GRIK2: variants seen among roughly 807,000 people sequenced by gnomAD.
GRIK2 encodes glutamate ionotropic receptor kainate type subunit 2, also known as glutamate receptor ionotropic, kainate 2.
Under a neutral mutation model 100.3 loss-of-function variants are expected in GRIK2, and 32 were observed. The observed-to-expected ratio is 0.32, with a 90% CI of 0.24 to 0.43. The LOEUF (loss-of-function observed/expected upper bound fraction) is 0.43, where lower values mean the gene tolerates loss of function less well. Among genes scored for constraint, GRIK2 ranks in the 20% least tolerant of loss-of-function variants. The probability of loss-of-function intolerance (pLI) is 1.00; values close to 1 mark genes in which losing one functional copy is unlikely to be tolerated. For synonymous variants in GRIK2, 417 were observed against 389.4 expected (o/e 1.07, Z -0.83); for missense variants, 843 against 1,114.9 (o/e 0.76, Z 3.47).
chr6:102,050,662 A>AT, intron 15 of GRIK2, among the ~76,000 whole-genome samples: 1 of 151,622 alleles, frequency 6.6e-6, no homozygotes, highest in East Asian at 1.9e-4. Context: ...AAAAAAAAAA[A>AT]AAAAACGGAA....
intron 7 of GRIK2, among the ~76,000 whole-genome samples, chr6:101,793,163 G>A (rs1780014912): frequency 6.6e-6 from 1 of 152,058 alleles, no homozygotes. Flanking sequence ...ATTTCCTCCT[G>A]TAGCTCGGAG....
At chr6:101,994,408 C>A (rs1456031561) in intron 14 of GRIK2, among the ~76,000 whole-genome samples, 2 of 151,626 alleles carry the variant, frequency 1.3e-5, no homozygotes, top group East Asian at 3.9e-4. Context: ...GGTTTTCAAG[C>A]AATAATAGTG....
chr6:101,848,883 T>C (rs1783955664), intron 10 of GRIK2, among the ~76,000 whole-genome samples: 1 of 152,110 alleles, frequency 6.6e-6, no homozygotes, highest in Non-Finnish European at 1.5e-5. Context: ...AATTTATCTT[T>C]GCTGAAAATC....
intron 10 of GRIK2, among the ~76,000 whole-genome samples, chr6:101,831,448 C>G (rs12110747): frequency 6.6e-6 from 1 of 151,938 alleles, no homozygotes; most frequent in Non-Finnish European, 1.5e-5. Flanking sequence ...GACATGAACA[C>G]TAATTAGGGA....
In GRIK2 at chr6:101,889,686, A is replaced by G. The variant is rs1393744348; in HGVS notation, c.1571A>G (p.Glu524Gly). 1 of 1,609,914 alleles carries G rather than the reference A, an allele frequency of 6.2e-7. No homozygotes were observed. The highest frequency in any genetic ancestry group is 1.7e-5 in the Admixed American group (1 of 59,488). Residue 524 changes from glutamate to glycine, a missense_variant, in exon 12 of 17, where the codon GAG becomes GGG. Glu to Gly is a moderately conservative substitution (Grantham distance 98). Around this residue, in one of 3 missense-constraint regions of GRIK2, gnomAD observed 519 missense variants for 643.8 expected, o/e 0.81. Coordinates refer to ENST00000369134, the MANE Select transcript of GRIK2 (RefSeq NM_021956.5). ...CCACTGGCTATTACCTATGTTCGAG[A>G]GAAGGTCATCGACTTTTCCAAGCCC... ...VAPLAITYVR[E>G]KVIDFSKPFM...
At chr6:101,997,092 C>G (rs1257221655) in intron 14 of GRIK2, among the ~76,000 whole-genome samples, 2 of 151,794 alleles carry the variant, frequency 1.3e-5, no homozygotes, top group African/African-American at 2.4e-5. Flanking sequence ...TCTTTTTTCT[C>G]TGTAAAAAGT....
intron 16 of GRIK2, among the ~76,000 whole-genome samples, chr6:102,062,750 T>A (rs909373563): frequency 1.3e-5 from 2 of 150,588 alleles, no homozygotes; most frequent in Non-Finnish European, 3.0e-5. Context: ...CATTAACTGT[T>A]TGATGTTTTT....
chr6:101,630,836 A>G (rs1293854275), intron 4 of GRIK2, among the ~76,000 whole-genome samples: 1 of 151,330 alleles, frequency 6.6e-6, no homozygotes, highest in Non-Finnish European at 1.5e-5. Context: ...TTACTGCAAA[A>G]CACACATGTG....
intron 14 of GRIK2, among the ~76,000 whole-genome samples, chr6:101,994,148 A>C (rs996735006): frequency 5.3e-5 from 8 of 150,662 alleles, no homozygotes; most frequent in Admixed American, 4.7e-4. Context: ...AATGCCACCC[A>C]TTACTTCACT....
At chr6:101,488,274 T>C (rs2128265270) in intron 2 of GRIK2, among the ~76,000 whole-genome samples, 1 of 146,940 alleles carries the variant, frequency 6.8e-6, no homozygotes, top group Admixed American at 6.8e-5. Context: ...GTAGTAGAAG[T>C]ATAACTTCCA....
Position 101,787,373 on chromosome 6 carries a change from T to A in GRIK2, c.952-12275T>A, listed in dbSNP as rs367945968. Reference sequence around the variant, plus strand: ...TAGGTTTGATTTGTTCTTACTTTTCTAGTTCTTGAGGTGCATCATTAGGTT... The same window carrying A: ...TAGGTTTGATTTGTTCTTACTTTTCAAGTTCTTGAGGTGCATCATTAGGTT... On this transcript the variant is annotated intron_variant, in intron 7 of 16. Transcript: ENST00000369134. Among the ~76,000 whole-genome samples the A allele has an allele frequency of 9.9e-5, 15 of 152,138 alleles. No homozygotes were observed. In the East Asian group the frequency reaches 2.3e-3, roughly 24 times the overall value.
intron 2 of GRIK2, among the ~76,000 whole-genome samples, chr6:101,415,920 A>C (rs1776119809): frequency 6.6e-6 from 1 of 152,232 alleles, no homozygotes; most frequent in African/African-American, 2.4e-5. Context: ...TAAAATAGAT[A>C]AAATAGATAA....
In GRIK2 at chr6:101,423,971, T is replaced by C. The variant is rs866482240; in HGVS notation, c.115+24579T>C. ...AATTATATGGAATGTAAGGTAGCTG[T>C]GGGAGTGGTAAATGTCTACAGCCAG... On this transcript the variant is annotated intron_variant, in intron 2 of 16. Coordinates refer to ENST00000369134, the MANE Select transcript of GRIK2 (RefSeq NM_021956.5). Among the ~76,000 whole-genome samples the C allele has an allele frequency of 5.9e-5, 9 of 152,266 alleles. No individual in the cohort carries two copies. In the South Asian group the frequency reaches 1.2e-3, roughly 21 times the overall value.
At chr6:101,997,326 C>T (rs547344063) in intron 14 of GRIK2, among the ~76,000 whole-genome samples, 8 of 152,146 alleles carry the variant, frequency 5.3e-5, no homozygotes, top group East Asian at 1.9e-4. Context: ...ACTATCTTTA[C>T]GTAATGAACC....
At chr6:101,746,881 A>T (rs1413663652) in intron 7 of GRIK2, among the ~76,000 whole-genome samples, 1 of 152,006 alleles carries the variant, frequency 6.6e-6, no homozygotes, top group Non-Finnish European at 1.5e-5. Flanking sequence ...GGACAAAGGT[A>T]TTTTCTGTAA....
At chr6:101,976,560 A>C (rs1349751818) in intron 14 of GRIK2, among the ~76,000 whole-genome samples, 3 of 151,946 alleles carry the variant, frequency 2.0e-5, no homozygotes, top group African/African-American at 7.2e-5. Context: ...ATGGTAACAC[A>C]CTTGCATTCC....
intron 2 of GRIK2, among the ~76,000 whole-genome samples, chr6:101,474,924 C>T (rs1444496562): frequency 6.6e-6 from 1 of 151,862 alleles, no homozygotes; most frequent in Non-Finnish European, 1.5e-5. Context: ...TAAATCTTTA[C>T]ATCAGTGATT....
chr6:101,997,644 GC>G (rs1196358818), intron 14 of GRIK2, among the ~76,000 whole-genome samples: 1 of 151,986 alleles, frequency 6.6e-6, no homozygotes, highest in African/African-American at 2.4e-5. Context: ...AATTTGTGGT[GC>G]CAGTTAATGT....
At chr6:101,810,777 T>C (rs1781278471) in intron 9 of GRIK2, among the ~76,000 whole-genome samples, 1 of 151,962 alleles carries the variant, frequency 6.6e-6, no homozygotes, top group African/African-American at 2.4e-5. Context: ...TATTCATCAT[T>C]TGAAGGAGTG....
Sources: allele counts gnomAD v4.1 joint callset (sites outside exome capture counted in the v4.1 genomes callset), GRCh38; gene constraint gnomAD v4.1.1; regional missense constraint gnomAD v4.1.1; transcripts MANE v1.5; gene names NCBI Gene and HGNC (gene_info 2026-07-23, HGNC 2026-07-21).